The following RERE variants were observed in gnomAD, a reference collection of about 807,000 sequenced individuals.
RERE encodes arginine-glutamic acid dipeptide repeats, also known as arginine-glutamic acid dipeptide repeats protein.
A neutral mutation model predicts 146.1 loss-of-function variants in RERE; 40 were observed. The ratio of observed to expected loss-of-function variants is 0.27; its 90% CI spans 0.21 to 0.36. The LOEUF is 0.36. Among genes scored for constraint, RERE ranks in the 10% least tolerant of loss-of-function variants. The pLI, the probability that RERE is intolerant of heterozygous loss-of-function variation, is 1.00. For missense variants in RERE, 1,933 were observed against 2,138.7 expected, an observed-to-expected ratio of 0.90 and a Z score of 1.90; for synonymous variants, 1,003 against 866.0, an observed-to-expected ratio of 1.16 and a Z score of -2.78.
At chr1:8,393,634 C>T (rs1557607681) in intron 12 of RERE, among the ~76,000 whole-genome samples, 2 of 152,102 alleles carry the variant, frequency 1.3e-5, no homozygotes, top group Admixed American at 1.3e-4. Flanking sequence ...CAGGCAAGGT[C>T]CATTTCTGGT....
intron 12 of RERE, among the ~76,000 whole-genome samples, chr1:8,381,794 C>T (rs939320973): frequency 2.6e-5 from 4 of 152,282 alleles, no homozygotes; most frequent in African/African-American, 4.8e-5. Context: ...CACTAATGTG[C>T]GCTTGGAATT....
chr1:8,768,951 C>T lies in RERE; in HGVS notation c.-145+48209G>A, dbSNP rs561237274. On this transcript the variant is annotated intron_variant, in intron 1 of 22. Coordinates refer to ENST00000400908, the MANE Select transcript of RERE (RefSeq NM_001042681.2). Reference sequence around the variant, plus strand: ...CAGACAACTTCTAGAGGCCAGAGGTCGGCAAACGGTGGCCCACAGGCCACA... The same window carrying T: ...CAGACAACTTCTAGAGGCCAGAGGTTGGCAAACGGTGGCCCACAGGCCACA... Among the ~76,000 whole-genome samples the T allele has an allele frequency of 2.7e-3, 407 of 152,250 alleles. 3 individuals are homozygous for T. Among genetic ancestry groups the T allele is most frequent in the African/African-American group, 9.3e-3 (385 of 41,518 alleles).
chr1:8,462,913 A>G (rs1470045845), intron 11 of RERE, among the ~76,000 whole-genome samples: 1 of 152,128 alleles, frequency 6.6e-6, no homozygotes, highest in Non-Finnish European at 1.5e-5. Flanking sequence ...TAATAATTAG[A>G]ATGTTCCAAG....
chr1:8,443,451 CAAAAAAAGAAAAAAAAAAAAA>C (rs1644276898), intron 11 of RERE, among the ~76,000 whole-genome samples: 3 of 25,666 alleles, frequency 1.2e-4, no homozygotes. Flanking sequence ...GACTCAGTCT[CAAAAAAAGAAAAAAAAAAAAA>C]AAAAAAAGAA....
intron 1 of RERE, among the ~76,000 whole-genome samples, chr1:8,807,982 T>C (rs1015584715): frequency 6.6e-6 from 1 of 151,998 alleles, no homozygotes; most frequent in African/African-American, 2.4e-5. Context: ...TCTACTTATA[T>C]AAATCTCCTT....
intron 4 of RERE, among the ~76,000 whole-genome samples, chr1:8,613,694 T>C (rs912921333): frequency 5.3e-5 from 8 of 152,222 alleles, no homozygotes; most frequent in Admixed American, 2.0e-4. Context: ...TAATTCAGTA[T>C]GAACTGGGGC....
intron 1 of RERE, among the ~76,000 whole-genome samples, chr1:8,676,149 A>G (rs1294983023): frequency 6.6e-6 from 1 of 152,226 alleles, no homozygotes; most frequent in Non-Finnish European, 1.5e-5. Context: ...TCATCTCCAC[A>G]TTACAAAACT....
intron 1 of RERE, among the ~76,000 whole-genome samples, chr1:8,720,385 T>C (rs1190863898): frequency 6.6e-6 from 1 of 152,042 alleles, no homozygotes; most frequent in East Asian, 1.9e-4. Context: ...AACCAACAGA[T>C]TTTTTTGTAT....
chr1:8,461,566 C>T lies in RERE; in HGVS notation c.1203+4359G>A, dbSNP rs950419637. Among the ~76,000 whole-genome samples the T allele has an allele frequency of 1.2e-4, 19 of 152,178 alleles. 1 individual carries two copies. The highest frequency in any genetic ancestry group is 7.3e-5 in the Non-Finnish European group (5 of 68,040). On this transcript the variant is annotated intron_variant, in intron 11 of 22. Transcript: ENST00000400908. ...GTACAGAATTTGACAGAAACTGGCA[C>T]ATTTTGGCTTCAGTTCAAGATTTGA...
intron 4 of RERE, among the ~76,000 whole-genome samples, chr1:8,574,729 CAT>C (rs1477308978): frequency 6.6e-6 from 1 of 152,152 alleles, no homozygotes; most frequent in Non-Finnish European, 1.5e-5. Context: ...CGAAGACAGA[CAT>C]AACTAATCTG....
chr1:8,510,974 C>CA (rs1645327706), intron 7 of RERE, among the ~76,000 whole-genome samples: 1 of 152,064 alleles, frequency 6.6e-6, no homozygotes, highest in Non-Finnish European at 1.5e-5. Flanking sequence ...GGTCTGTTCT[C>CA]AAAACCCTGG....
At chr1:8,777,855 T>TAA (rs924578833) in intron 1 of RERE, among the ~76,000 whole-genome samples, 1 of 144,342 alleles carries the variant, frequency 6.9e-6, no homozygotes, top group African/African-American at 2.6e-5. Context: ...ATACTTTTAA[T>TAA]AAAAGTATAT....
At chr1:8,661,084 C>CAG (rs3044412) in intron 1 of RERE, among the ~76,000 whole-genome samples, 96,761 of 151,826 alleles carry the variant, frequency 0.64, 31,342 homozygotes, top group East Asian at 0.83. Context: ...CTAAGGGGGA[C>CAG]ACAGTGTTGC....
chr1:8,365,060 T>C (rs1641747740), intron 13 of RERE, among the ~76,000 whole-genome samples: 1 of 152,146 alleles, frequency 6.6e-6, no homozygotes, highest in African/African-American at 2.4e-5. Flanking sequence ...AGAGGGCCTG[T>C]GTGTGAGGCG....
chr1:8,620,655 T>TA (rs1646905698), intron 3 of RERE, among the ~76,000 whole-genome samples: 1 of 152,030 alleles, frequency 6.6e-6, no homozygotes, highest in Admixed American at 6.6e-5. Flanking sequence ...AAAAGCTAAA[T>TA]AAAGACTTTG....
At chr1:8,739,421 G>A (rs1242971676) in intron 1 of RERE, among the ~76,000 whole-genome samples, 1 of 152,084 alleles carries the variant, frequency 6.6e-6, no homozygotes, top group Admixed American at 6.6e-5. Context: ...CTGCTACCTG[G>A]GCAGCAGGAG....
intron 11 of RERE, among the ~76,000 whole-genome samples, chr1:8,459,718 C>A (rs1052133737): frequency 6.6e-6 from 1 of 152,068 alleles, no homozygotes; most frequent in Non-Finnish European, 1.5e-5. Flanking sequence ...CACTGTGAGA[C>A]GACGTGTTAG....
At chr1:8,791,982 C>A (rs538950470) in intron 1 of RERE, among the ~76,000 whole-genome samples, 13 of 152,028 alleles carry the variant, frequency 8.6e-5, no homozygotes, top group Non-Finnish European at 1.3e-4. Flanking sequence ...AATCCTAATA[C>A]TTTGGAAGGC....
intron 4 of RERE, among the ~76,000 whole-genome samples, chr1:8,582,295 C>A (rs1646375664): frequency 6.6e-6 from 1 of 152,028 alleles, no homozygotes; most frequent in Non-Finnish European, 1.5e-5. Context: ...TAGCCTTAAA[C>A]TCCTGGGTTC....
Sources: allele counts gnomAD v4.1 joint callset (sites outside exome capture counted in the v4.1 genomes callset), GRCh38; gene constraint gnomAD v4.1.1; transcripts MANE v1.5; gene names NCBI Gene and HGNC (gene_info 2026-07-23, HGNC 2026-07-21).